The following GRID2IP variants were observed in gnomAD, a reference collection of about 807,000 sequenced individuals.
GRID2IP encodes the protein delphilin.
GRID2IP carries 78 observed loss-of-function variants against 114.3 expected under a neutral mutation model. That is an observed-to-expected ratio of 0.68 (90% confidence interval 0.57 to 0.82). GRID2IP has a LOEUF of 0.82. Ranked by LOEUF, GRID2IP falls within the 40% of genes least tolerant of loss-of-function variation. The pLI, the probability that GRID2IP is intolerant of heterozygous loss-of-function variation, is 0.00. For missense variants in GRID2IP, 1,727 were observed against 1,678.5 expected (o/e 1.03, Z -0.51); for synonymous variants, 809 against 724.0 (o/e 1.12, Z -1.89).
intron 8 of GRID2IP, among the ~76,000 whole-genome samples, chr7:6,511,704 T>C (rs1264269801): frequency 1.3e-5 from 2 of 152,056 alleles, no homozygotes; most frequent in African/African-American, 4.8e-5. Flanking sequence ...TACGCAGATA[T>C]GTAAGGCATG....
At chr7:6,530,109 C>A (rs1292030772) in intron 2 of GRID2IP, among the ~76,000 whole-genome samples, 2 of 151,876 alleles carry the variant, frequency 1.3e-5, no homozygotes, top group East Asian at 3.9e-4. Flanking sequence ...CAGGCGCATG[C>A]CTTCACACCC....
rs761082978 is a variant in GRID2IP, at chr7:6,509,055, C to T, written c.2030G>A (p.Arg677His). ...LFTFSHPVRS[R>H]DTDRFLDVLS... ...CACGTCCAGGAAGCGGTCAGTATCG[C>T]GGCTTCGCACAGGGTGGGAGAAGGT... Residue 677 changes from arginine (R) to histidine (H), a missense_variant, in exon 12 of 22, where the codon CGC becomes CAC. Arg to His is a conservative substitution (Grantham distance 29). Coordinates refer to ENST00000457091, the MANE Select transcript of GRID2IP (RefSeq NM_001145118.2). This position sits in a 1 kb window ranked among gnomAD's most constrained non-coding sequence, Gnocchi z 4.9. The T allele has an allele frequency of 4.8e-5, 63 of 1,318,500 alleles. No homozygotes were observed. The highest frequency in any genetic ancestry group is 5.8e-5 in the Non-Finnish European group (58 of 1,004,066). The allele number at this position is 1,318,500 out of a possible 1,614,324, so 81.7% of individuals were successfully genotyped here.
rs56154707 is a variant in GRID2IP, at chr7:6,542,306, C to CAAA, written c.430-2437_430-2435dup. ...GGCAACAAGAGCAAAAACTCCATCT[C>CAAA]AAAAAAAAAAAAAAAAAAAAGAAAA... is the stretch of plus-strand genomic sequence containing the variant. On this transcript the variant is annotated intron_variant, in intron 1 of 21. Transcript: ENST00000457091. Among the ~76,000 whole-genome samples, 83 of 94,928 alleles carry CAAA rather than the reference C, an allele frequency of 8.7e-4. 2 individuals carry two copies. Among genetic ancestry groups the CAAA allele is most frequent in the South Asian group, 1.7e-3 (4 of 2,396 alleles). The allele number at this position is 94,928 out of a possible 152,430, so 62.3% of individuals were successfully genotyped here.
rs2115359413 is a variant in GRID2IP, at chr7:6,506,748, C to G, written c.2545-841G>C. ...CCAGGCTGGAGTGCAGTGGTGCCATCTTGGCTCACTGCAACCTCCACCTGT... is the reference window on the plus strand; with the variant it reads ...CCAGGCTGGAGTGCAGTGGTGCCATGTTGGCTCACTGCAACCTCCACCTGT... On this transcript the variant is annotated intron_variant, in intron 13 of 21. Transcript: ENST00000457091. This position sits in a 1 kb window ranked among gnomAD's most constrained non-coding sequence, Gnocchi z 5.2. Among the ~76,000 whole-genome samples the G allele has an allele frequency of 6.8e-6, 1 of 146,642 alleles. No individual in the cohort carries two copies. The highest frequency in any genetic ancestry group is 2.0e-4 in the East Asian group (1 of 4,930).
chr7:6,551,079 G>A lies in GRID2IP; in HGVS notation c.358C>T (p.Leu120=), dbSNP rs1243809449. 1 of 1,314,900 alleles carries A rather than the reference G, an allele frequency of 7.6e-7. No individual in the cohort carries two copies. Among genetic ancestry groups the A allele is most frequent in the Non-Finnish European group, 9.7e-7 (1 of 1,036,044 alleles). 81.5% of individuals were successfully genotyped at this position (1,314,900 alleles called of 1,614,324 possible). The change falls in exon 1 of 22, where the codon CTG becomes TTG. Residue 120 remains leucine, a synonymous_variant. Transcript: ENST00000457091. ...GLALGRELLR[L]AGRKRPDAVH... ...GCGTCCGGGCGCTTGCGGCCGGCCAGGCGAAGCAGCTCACGGCCCAGAGCT... is the reference window on the plus strand; with the variant it reads ...GCGTCCGGGCGCTTGCGGCCGGCCAAGCGAAGCAGCTCACGGCCCAGAGCT...
Position 6,526,640 on chromosome 7 carries a change from C to T in GRID2IP, c.714G>A (p.Arg238=), listed in dbSNP as rs1482313143. 2.2e-6 allele frequency: 3 copies of T among 1,367,390 alleles called. No individual in the cohort carries two copies. The highest frequency in any genetic ancestry group is 2.8e-6 in the Non-Finnish European group (3 of 1,061,648). 84.7% of individuals were successfully genotyped at this position (1,367,390 alleles called of 1,614,324 possible). Residue 238 remains arginine (R), a synonymous_variant, in exon 3 of 22, where the codon CGG becomes CGA. Transcript: ENST00000457091. This position sits in a 1 kb window ranked among gnomAD's most constrained non-coding sequence, Gnocchi z 7.6. ...GCGTGGACACCAGGAGGCGCTCCGG[C>T]CGCTCCTCGCTGCGGCTCCGGCGCA... ...QRLRRSRSEE[R]PERLLVSTRA...
At chr7:6,524,748 ACTC>A (rs1583346157) in intron 4 of GRID2IP, among the ~76,000 whole-genome samples, 1 of 149,832 alleles carries the variant, frequency 6.7e-6, no homozygotes, top group East Asian at 2.1e-4. Context: ...ATGGAGTCTC[ACTC>A]TGTCGCCCAG....
intron 20 of GRID2IP, among the ~76,000 whole-genome samples, chr7:6,500,233 G>T (rs1383301581): frequency 6.6e-6 from 1 of 152,076 alleles, no homozygotes; most frequent in Non-Finnish European, 1.5e-5. Context: ...GGAGGCCGAG[G>T]CAGGTGGATC....
In GRID2IP at chr7:6,509,344, CTT is replaced by C; in HGVS notation, c.1772-33_1772-32del. ...GGAGGGATGGAGTATGAGGATTCCTCTTCAGCCAGCACCGAGGTTCCAGGTGC... is the reference window on the plus strand; with the variant it reads ...GGAGGGATGGAGTATGAGGATTCCTCCAGCCAGCACCGAGGTTCCAGGTGC... On this transcript the variant is annotated intron_variant, in intron 11 of 21. Transcript: ENST00000457091. The surrounding 1 kb of genome is among the most constrained non-coding windows in gnomAD (Gnocchi z 4.9). 1 of 1,460,226 alleles carries C rather than the reference CTT, an allele frequency of 6.8e-7. No homozygotes were observed. 90.5% of individuals were successfully genotyped at this position (1,460,226 alleles called of 1,614,324 possible).
intron 1 of GRID2IP, among the ~76,000 whole-genome samples, chr7:6,542,631 G>T (rs1467526998): frequency 6.6e-6 from 1 of 152,078 alleles, no homozygotes; most frequent in East Asian, 1.9e-4. Flanking sequence ...GCACTATACA[G>T]TCTGGGCAAC....
Position 6,503,514 on chromosome 7 carries a change from C to G in GRID2IP, c.2884G>C (p.Glu962Gln). Residue 962 changes from glutamate to glutamine, a missense_variant, in exon 16 of 22, where the codon GAG becomes CAG. Coordinates refer to ENST00000457091, the MANE Select transcript of GRID2IP (RefSeq NM_001145118.2). ...AFREAPGRLS[E>Q]PDQFVLQMLS... ...ACCTGCAGGACGAACTGGTCCGGCT[C>G]GCTGAGGCGGCCGGGCGCCTCGCGG... 1.3e-6 allele frequency: 2 copies of G among 1,525,748 alleles called. No homozygotes were observed. Among genetic ancestry groups the G allele is most frequent in the Non-Finnish European group, 1.7e-6 (2 of 1,143,114 alleles). The allele number at this position is 1,525,748 out of a possible 1,614,324, so 94.5% of individuals were successfully genotyped here.
At chr7:6,502,687 G>A (rs751671999) in intron 18 of GRID2IP, 99 bp downstream of exon 18, 104 of 712,284 alleles carry the variant, frequency 1.5e-4, no homozygotes, top group Non-Finnish European at 2.1e-4. Context: ...CCTTGGTCAC[G>A]ATGTCCTCTT....
In GRID2IP at chr7:6,526,217, C is replaced by A. The variant is rs1039882132; in HGVS notation, c.919+7G>T. The stretch of plus-strand genomic sequence containing the variant: ...GGGACTCTTAGGGCAACCGGCCCAC[C>A]CCTCACCAGGCAGGACAGACTCGAT... On this transcript the variant is annotated splice_region_variant and intron_variant, in intron 4 of 21. Coordinates refer to ENST00000457091, the MANE Select transcript of GRID2IP (RefSeq NM_001145118.2). This position sits in a 1 kb window ranked among gnomAD's most constrained non-coding sequence, Gnocchi z 7.6. 3.2e-6 allele frequency: 5 copies of A among 1,551,194 alleles called. No individual in the cohort carries two copies. Among genetic ancestry groups the A allele is most frequent in the Non-Finnish European group, 4.4e-6 (5 of 1,146,584 alleles).
chr7:6,504,252 G>A (rs997404981), intron 15 of GRID2IP, among the ~76,000 whole-genome samples: 1 of 151,306 alleles, frequency 6.6e-6, no homozygotes, highest in African/African-American at 2.4e-5. Flanking sequence ...GAAACTGAGC[G>A]GGGCTGCTGG....
rs927611195 is a variant in GRID2IP, at chr7:6,526,119, G to A, written c.919+105C>T. The A allele has an allele frequency of 2.4e-6, 2 of 850,470 alleles. No homozygotes were observed. Among genetic ancestry groups the A allele is most frequent in the South Asian group, 1.4e-5 (1 of 69,442 alleles). 52.7% of individuals were successfully genotyped at this position (850,470 alleles called of 1,614,324 possible). A position where few individuals can be genotyped will look rare whatever the true frequency, so the allele number is the denominator to read the frequency against. On this transcript the variant is annotated intron_variant, in intron 4 of 21. Coordinates refer to ENST00000457091, the MANE Select transcript of GRID2IP (RefSeq NM_001145118.2). This position sits in a 1 kb window ranked among gnomAD's most constrained non-coding sequence, Gnocchi z 7.6. The stretch of plus-strand genomic sequence containing the variant: ...TGGTACCTGACGTGGAGGGGTTGCT[G>A]AGCAGGAGCCTACATGGGGTACAAT...
intron 18 of GRID2IP, among the ~76,000 whole-genome samples, 183 bp from the exon 19 acceptor site, chr7:6,502,301 T>C (rs1226367402): frequency 2.0e-5 from 3 of 152,060 alleles, no homozygotes; most frequent in African/African-American, 7.2e-5. Flanking sequence ...CATAACTCAC[T>C]GCAGCCTCAA....
Position 6,526,494 on chromosome 7 carries a change from C to G in GRID2IP, c.833+27G>C. 1 of 1,368,060 alleles carries G rather than the reference C, an allele frequency of 7.3e-7. No homozygotes were observed. The highest frequency in any genetic ancestry group is 1.5e-5 in the African/African-American group (1 of 66,964). The allele number at this position is 1,368,060 out of a possible 1,614,324, so 84.7% of individuals were successfully genotyped here. On this transcript the variant is annotated intron_variant, in intron 3 of 21. Coordinates refer to ENST00000457091, the MANE Select transcript of GRID2IP (RefSeq NM_001145118.2). This position sits in a 1 kb window ranked among gnomAD's most constrained non-coding sequence, Gnocchi z 7.6. ...GAGCCCACCCGCAGGGAGGCGCCCG[C>G]TGCCAGTGCCTGTGAGCCCCGCGTA... is the stretch of plus-strand genomic sequence containing the variant.
At position 6,520,553 on chromosome 7, in the gene GRID2IP, C is replaced by A. The variant is rs780703948; in HGVS notation, c.1268+25G>T. 55 of 1,544,966 alleles carry A rather than the reference C, an allele frequency of 3.6e-5. 1 individual carries two copies. The South Asian group carries it at 6.6e-4, about 18-fold the overall frequency. ...ACTTAGGGCCCACCCAGGGCAGGGC[C>A]CCACCGCGGCTTTGGCCCGGCCACC... On this transcript the variant is annotated intron_variant, in intron 7 of 21. Transcript: ENST00000457091. This position sits in a 1 kb window ranked among gnomAD's most constrained non-coding sequence, Gnocchi z 4.6.
At chr7:6,502,956 C>T (rs1372073940) in intron 17 of GRID2IP, 52 bp downstream of exon 17, 2 of 1,547,196 alleles carry the variant, frequency 1.3e-6, no homozygotes, top group East Asian at 4.9e-5. Context: ...AGGCTGGAAG[C>T]CCCAGGAGGC....
Sources: gnomAD v4.1 joint callset for allele counts (sites outside exome capture counted in the v4.1 genomes callset) on GRCh38, gnomAD v4.1.1 for gene constraint, Gnocchi (gnomAD v3.1) non-coding constraint, MANE v1.5 for transcripts, NCBI Gene and HGNC (gene_info 2026-07-23, HGNC 2026-07-21) for gene names.